L3MBTL3: variants seen among roughly 807,000 people sequenced by gnomAD.
L3MBTL3 encodes the protein lethal(3)malignant brain tumor-like protein 3.
L3MBTL3 carries 27 observed loss-of-function variants against 102.3 expected under a neutral mutation model. That is an observed-to-expected ratio of 0.26 (90% CI 0.19 to 0.36). The LOEUF (loss-of-function observed/expected upper bound fraction) is 0.36. Ranked by LOEUF, L3MBTL3 falls within the 10% of genes least tolerant of loss-of-function variation. The pLI is 1.00. For missense variants in L3MBTL3, 798 were observed against 955.3 expected (o/e 0.84, Z 2.17); for synonymous variants, 340 against 320.9 (o/e 1.06, Z -0.64).
At chr6:130,085,786 T>C (rs531632975) in intron 15 of L3MBTL3, among the ~76,000 whole-genome samples, 1 of 152,312 alleles carries the variant, frequency 6.6e-6, no homozygotes, top group South Asian at 2.1e-4. Flanking sequence ...TGAGACAGTC[T>C]CCCTCTGTTG....
At chr6:130,106,989 G>T (rs548507728) in intron 19 of L3MBTL3, among the ~76,000 whole-genome samples, 1 of 152,238 alleles carries the variant, frequency 6.6e-6, no homozygotes, top group Non-Finnish European at 1.5e-5. Context: ...TTTGATTATT[G>T]TGAAAATGAT....
intron 5 of L3MBTL3, among the ~76,000 whole-genome samples, chr6:130,050,202 T>A (rs1404952179): frequency 1.3e-5 from 2 of 152,216 alleles, no homozygotes; most frequent in African/African-American, 4.8e-5. Context: ...TAACGTAGAT[T>A]GCTTATCTGA....
intron 19 of L3MBTL3, 52 bp downstream of exon 19, chr6:130,104,627 G>A: frequency 7.8e-7 from 1 of 1,284,722 alleles, no homozygotes; most frequent in South Asian, 2.1e-5. Context: ...AATTTAAAGA[G>A]ATTTTTTATC....
chr6:130,096,251 T>C (rs1191413959), intron 18 of L3MBTL3, among the ~76,000 whole-genome samples: 1 of 152,090 alleles, frequency 6.6e-6, no homozygotes, highest in Non-Finnish European at 1.5e-5. Flanking sequence ...CTCCATAAAT[T>C]AGTCACAGAC....
chr6:130,082,313 C>A (rs923723092), intron 14 of L3MBTL3, among the ~76,000 whole-genome samples: 2 of 152,144 alleles, frequency 1.3e-5, no homozygotes, highest in African/African-American at 4.8e-5. Context: ...TTATATTATT[C>A]TGACAGTGCT....
intron 6 of L3MBTL3, among the ~76,000 whole-genome samples, chr6:130,051,872 T>G (rs971774564): frequency 6.6e-6 from 1 of 152,136 alleles, no homozygotes; most frequent in African/African-American, 2.4e-5. Flanking sequence ...TGTAGTGAGT[T>G]GGGTCACTGA....
At chr6:130,137,157 A>C (rs1349212152) in intron 22 of L3MBTL3, among the ~76,000 whole-genome samples, 1 of 151,568 alleles carries the variant, frequency 6.6e-6, no homozygotes, top group African/African-American at 2.4e-5. Context: ...AGAAAGACTC[A>C]CTCAGACAGA....
At chr6:130,126,806 A>G (rs1336937488) in intron 20 of L3MBTL3, among the ~76,000 whole-genome samples, 2 of 152,084 alleles carry the variant, frequency 1.3e-5, no homozygotes, top group Admixed American at 6.5e-5. Context: ...ATGACTGACA[A>G]TAGATTAATA....
chr6:130,078,690 C>A, intron 14 of L3MBTL3, 56 bp downstream of exon 14: 1 of 1,194,466 alleles, frequency 8.4e-7, no homozygotes, highest in Non-Finnish European at 1.2e-6. Context: ...AGTAGGCAGA[C>A]TTTTTCTGTA....
chr6:130,048,753 G>T (rs774676537), intron 3 of L3MBTL3, among the ~76,000 whole-genome samples: 2 of 152,160 alleles, frequency 1.3e-5, no homozygotes, highest in Non-Finnish European at 2.9e-5. Context: ...AGCCTTCTGT[G>T]CTCACTTCTT....
intron 8 of L3MBTL3, among the ~76,000 whole-genome samples, chr6:130,055,491 T>TCTCCCTCCCTCTCTCCCTCCCTCC (rs1781414143): frequency 8.0e-6 from 1 of 125,274 alleles, no homozygotes; most frequent in Non-Finnish European, 1.7e-5. Context: ...TCCCTCCCTC[T>TCTCCCTCCCTCTCTCCCTCCCTCC]CTCCCTCCCT....
chr6:130,121,322 C>G (rs1215581264), intron 20 of L3MBTL3, among the ~76,000 whole-genome samples: 1 of 152,140 alleles, frequency 6.6e-6, no homozygotes, highest in African/African-American at 2.4e-5. Context: ...TGAGAGCATG[C>G]AGTACTTTTT....
At chr6:130,037,251 T>C (rs939533038) in intron 2 of L3MBTL3, among the ~76,000 whole-genome samples, 2 of 152,170 alleles carry the variant, frequency 1.3e-5, no homozygotes, top group African/African-American at 4.8e-5. Context: ...AATTTTATAC[T>C]ATAAGATAAT....
chr6:130,039,601 T>TTTTA (rs1554221691), intron 2 of L3MBTL3, among the ~76,000 whole-genome samples: 11 of 149,896 alleles, frequency 7.3e-5, no homozygotes, highest in Admixed American at 4.0e-4. Context: ...TTTTTATAGT[T>TTTTA]TATATATATA....
At chr6:130,020,993 G>C (rs994792574) in intron 1 of L3MBTL3, among the ~76,000 whole-genome samples, 2 of 151,962 alleles carry the variant, frequency 1.3e-5, no homozygotes, top group African/African-American at 4.8e-5. Flanking sequence ...GGGGTGGGGG[G>C]GCGCGGCCGG....
chr6:130,098,078 A>G (rs879416352), intron 18 of L3MBTL3, among the ~76,000 whole-genome samples: 49 of 152,148 alleles, frequency 3.2e-4, no homozygotes, highest in Non-Finnish European at 3.1e-4. Context: ...AAAAAAAAAA[A>G]GTAAACATTC....
At chr6:130,043,759 T>C (rs1289451633) in intron 3 of L3MBTL3, among the ~76,000 whole-genome samples, 1 of 152,198 alleles carries the variant, frequency 6.6e-6, no homozygotes, top group African/African-American at 2.4e-5. Flanking sequence ...ACAAGTATCC[T>C]AGCCAAGCCT....
Position 130,106,824 on chromosome 6 carries a change from G to A in L3MBTL3, c.1886+2249G>A, listed in dbSNP as rs114091069. 3.0e-3 allele frequency among the ~76,000 whole-genome samples: 457 copies of A among 152,232 alleles called. 5 individuals carry two copies. Among genetic ancestry groups the A allele is most frequent in the African/African-American group, 0.01 (434 of 41,548 alleles). On this transcript the variant is annotated intron_variant, in intron 19 of 22. Coordinates refer to ENST00000361794, the MANE Select transcript of L3MBTL3 (RefSeq NM_032438.4). ...TTAACTTTGAGTGTAACCCAAGGCT[G>A]GAAACATATCTTTAAGAGGTAAAGA...
intron 1 of L3MBTL3, chr6:130,019,312 G>GGGGGGCGC (rs1252490905): frequency 6.9e-6 from 1 of 145,698 alleles, no homozygotes; most frequent in Non-Finnish European, 1.5e-5. Flanking sequence ...GGGCGCCGGC[G>GGGGGGCGC]GGGGGCGCGG....
Sources: allele counts gnomAD v4.1 joint callset (sites outside exome capture counted in the v4.1 genomes callset), GRCh38; gene constraint gnomAD v4.1.1; transcripts MANE v1.5; gene names NCBI Gene and HGNC (gene_info 2026-07-23, HGNC 2026-07-21).